Variants in SLC15A5 observed in about 807,000 individuals in gnomAD.
SLC15A5 encodes the protein Peptide/histidine transporter ENSP00000340402.
In SLC15A5, 58 loss-of-function variants were observed where a neutral mutation model predicts 56.1. The ratio of observed to expected loss-of-function variants is 1.03; its 90% CI spans 0.84 to 1.29. The LOEUF (loss-of-function observed/expected upper bound fraction) is 1.29. Ranked by LOEUF, SLC15A5 falls within the 50% of genes most tolerant of loss-of-function variation. SLC15A5 has a pLI of 0.00. For synonymous variants in SLC15A5, 264 were observed against 250.5 expected, an observed-to-expected ratio of 1.05 and a Z score of -0.51; for missense variants, 681 against 672.1, an observed-to-expected ratio of 1.01 and a Z score of -0.15.
chr12:16,256,176 A>G (rs1411012829), intron 3 of SLC15A5, among the ~76,000 whole-genome samples: 2 of 152,232 alleles, frequency 1.3e-5, no homozygotes, highest in Non-Finnish European at 2.9e-5. Flanking sequence ...GAAGGAAATA[A>G]TTAAATGTTT....
intron 8 of SLC15A5, among the ~76,000 whole-genome samples, chr12:16,193,780 GGAGAGAGAGAGAGAGAGAGAGAGAGA>G (rs766458422): frequency 0.18 from 13,480 of 75,472 alleles, 1,782 homozygotes; most frequent in Middle Eastern, 0.28. Flanking sequence ...TATGTCAAGG[GGAGAGAGAGAGAGAGAGAGAGAGAGA>G]GAGAGAGAGA....
rs189218657 is a variant in SLC15A5, at chr12:16,271,153, C to A, written c.584+1408G>T. ...CCCCTTCCTGAAGCCCTAAAGCACACACCCAGTGGGAGTCCCCTCTGTTTC... is the reference window on the plus strand; with the variant it reads ...CCCCTTCCTGAAGCCCTAAAGCACAAACCCAGTGGGAGTCCCCTCTGTTTC... On this transcript the variant is annotated intron_variant, in intron 2 of 8. Transcript: ENST00000344941. The surrounding 1 kb of genome is among the most constrained non-coding windows in gnomAD (Gnocchi z 8.0). Among the ~76,000 whole-genome samples the A allele has an allele frequency of 1.5e-3, 222 of 152,272 alleles. 3 individuals are homozygous for A. The East Asian group carries it at 0.03, about 21-fold the overall frequency.
intron 7 of SLC15A5, among the ~76,000 whole-genome samples, chr12:16,205,030 A>G (rs1270650958): frequency 6.6e-6 from 1 of 152,146 alleles, no homozygotes; most frequent in East Asian, 1.9e-4. Flanking sequence ...CTAGCAATAA[A>G]TATGACATAA....
In SLC15A5 at chr12:16,244,946, A is replaced by T. The variant is rs537808495; in HGVS notation, c.755-146T>A. ...CCCAAGGGGTCGGACTCAAAGGACCACGCTTCTGACAGTGATTCTGGCATC... is the reference window on the plus strand; with the variant it reads ...CCCAAGGGGTCGGACTCAAAGGACCTCGCTTCTGACAGTGATTCTGGCATC... On this transcript the variant is annotated intron_variant, in intron 3 of 8. Transcript: ENST00000344941. 2.1e-4 allele frequency: 167 copies of T among 781,992 alleles called. 1 individual carries two copies. The African/African-American group carries it at 2.7e-3, about 13-fold the overall frequency. 48.4% of individuals were successfully genotyped at this position (781,992 alleles called of 1,614,324 possible). A position where few individuals can be genotyped will look rare whatever the true frequency, so the allele number is the denominator to read the frequency against.
chr12:16,195,340 T>C (rs1359224381), intron 7 of SLC15A5, among the ~76,000 whole-genome samples: 2 of 152,124 alleles, frequency 1.3e-5, no homozygotes, highest in Non-Finnish European at 2.9e-5. Flanking sequence ...TTTATGAATA[T>C]TGTATATGTG....
At chr12:16,239,106 C>G (rs1317236374) in intron 5 of SLC15A5, among the ~76,000 whole-genome samples, 2 of 152,188 alleles carry the variant, frequency 1.3e-5, no homozygotes, top group Non-Finnish European at 2.9e-5. Context: ...TTCTCTTGTT[C>G]CCTGATGGTG....
intron 3 of SLC15A5, among the ~76,000 whole-genome samples, chr12:16,254,563 T>C (rs573998970): frequency 2.6e-4 from 39 of 152,286 alleles, no homozygotes; most frequent in African/African-American, 8.4e-4. Flanking sequence ...CCATCGTGTA[T>C]AGATACCACA....
intron 5 of SLC15A5, among the ~76,000 whole-genome samples, chr12:16,230,925 A>C (rs1864291531): frequency 6.6e-6 from 1 of 151,602 alleles, no homozygotes; most frequent in Non-Finnish European, 1.5e-5. Flanking sequence ...TCCGTCTCAA[A>C]AAAAAAAAAG....
At chr12:16,218,162 A>G (rs557663536) in intron 6 of SLC15A5, among the ~76,000 whole-genome samples, 36 of 152,302 alleles carry the variant, frequency 2.4e-4, no homozygotes, top group Non-Finnish European at 4.3e-4. Flanking sequence ...GTTGAAAATT[A>G]TTGATGCTAG....
chr12:16,214,700 C>G (rs1864113405), intron 7 of SLC15A5, among the ~76,000 whole-genome samples: 1 of 152,188 alleles, frequency 6.6e-6, no homozygotes, highest in Admixed American at 6.5e-5. Flanking sequence ...TTGGAACCCT[C>G]CCAGATCTTG....
At chr12:16,246,796 T>G (rs899502339) in intron 3 of SLC15A5, among the ~76,000 whole-genome samples, 3 of 152,160 alleles carry the variant, frequency 2.0e-5, no homozygotes, top group African/African-American at 7.2e-5. Flanking sequence ...CTGCTTCTAA[T>G]ACATGACAAA....
chr12:16,197,332 A>G (rs1863904082), intron 7 of SLC15A5, among the ~76,000 whole-genome samples: 1 of 152,130 alleles, frequency 6.6e-6, no homozygotes, highest in South Asian at 2.1e-4. Context: ...CACTTGTATC[A>G]AGTCAGACAG....
chr12:16,237,520 A>G lies in SLC15A5; in HGVS notation c.1162+2161T>C, dbSNP rs902693189. ...ATATTTAATTCATTAACAACATCAA[A>G]CAATATACTAAATAACTCTGTCTAA... On this transcript the variant is annotated intron_variant, in intron 5 of 8. Transcript: ENST00000344941. This position sits in a 1 kb window ranked among gnomAD's most constrained non-coding sequence, Gnocchi z 4.1. 1.1e-4 allele frequency among the ~76,000 whole-genome samples: 17 copies of G among 152,290 alleles called. No homozygotes were observed. The highest frequency in any genetic ancestry group is 1.2e-4 in the Non-Finnish European group (8 of 68,020).
chr12:16,241,108 C>T (rs1201844280), intron 4 of SLC15A5, among the ~76,000 whole-genome samples: 4 of 152,098 alleles, frequency 2.6e-5, no homozygotes, highest in African/African-American at 9.7e-5. Context: ...CCACCGTGCC[C>T]GGCCCATCAT....
intron 3 of SLC15A5, among the ~76,000 whole-genome samples, chr12:16,252,591 A>G (rs1864530422): frequency 6.6e-6 from 1 of 152,066 alleles, no homozygotes; most frequent in South Asian, 2.1e-4. Flanking sequence ...AAATAAACTT[A>G]ACGAAGAAGG....
At chr12:16,224,070 A>C (rs565391625) in intron 6 of SLC15A5, among the ~76,000 whole-genome samples, 30 of 152,240 alleles carry the variant, frequency 2.0e-4, no homozygotes, top group Admixed American at 1.7e-3. Context: ...AAGGGAGAAG[A>C]GAAGAGGCTT....
chr12:16,195,906 A>G (rs908033327), intron 7 of SLC15A5, among the ~76,000 whole-genome samples: 2 of 152,148 alleles, frequency 1.3e-5, no homozygotes, highest in Non-Finnish European at 2.9e-5. Context: ...AATGAAAATT[A>G]GCTGTGTCTA....
chr12:16,260,483 CTT>C (rs1315900573), intron 2 of SLC15A5, among the ~76,000 whole-genome samples: 7 of 142,226 alleles, frequency 4.9e-5, no homozygotes, highest in African/African-American at 1.0e-4. Context: ...TGGAAATCCT[CTT>C]TTTTTTTTTT....
At chr12:16,191,433 G>A (rs989857396) in intron 8 of SLC15A5, among the ~76,000 whole-genome samples, 4 of 152,012 alleles carry the variant, frequency 2.6e-5, no homozygotes, top group Admixed American at 1.3e-4. Flanking sequence ...AGTTGGGACT[G>A]CCTTGTTCTT....
Sources: allele counts gnomAD v4.1 joint callset (sites outside exome capture counted in the v4.1 genomes callset), GRCh38; gene constraint gnomAD v4.1.1; non-coding constraint Gnocchi (gnomAD v3.1); transcripts MANE v1.5; gene names NCBI Gene and HGNC (gene_info 2026-07-23, HGNC 2026-07-21).